Variants in CAB39L observed in about 807,000 individuals in gnomAD.
CAB39L encodes calcium-binding protein 39-like.
CAB39L carries 23 observed loss-of-function variants against 39.1 expected under a neutral mutation model. The ratio of observed to expected loss-of-function variants is 0.59; its 90% confidence interval spans 0.42 to 0.83. CAB39L has a LOEUF of 0.83. Among genes scored for constraint, CAB39L ranks in the 40% least tolerant of loss-of-function variants. CAB39L has a pLI of 0.00. For missense variants in CAB39L, 366 were observed against 391.9 expected, an observed-to-expected ratio of 0.93 and a Z score of 0.56; for synonymous variants, 126 against 137.2, an observed-to-expected ratio of 0.92 and a Z score of 0.57.
intron 6 of CAB39L, among the ~76,000 whole-genome samples, chr13:49,351,297 TGA>T (rs1555255267): frequency 6.7e-6 from 1 of 150,080 alleles, no homozygotes; most frequent in African/African-American, 2.4e-5. Flanking sequence ...TGTGTGTGTG[TGA>T]GTGACTACTT....
At chr13:49,384,174 T>C (rs1405224526) in intron 3 of CAB39L, among the ~76,000 whole-genome samples, 1 of 152,238 alleles carries the variant, frequency 6.6e-6, no homozygotes, top group Non-Finnish European at 1.5e-5. Flanking sequence ...TGTAATATTC[T>C]AAATCCTTTG....
At chr13:49,439,116 A>G (rs1289666390) in intron 1 of CAB39L, among the ~76,000 whole-genome samples, 1 of 151,886 alleles carries the variant, frequency 6.6e-6, no homozygotes, top group Non-Finnish European at 1.5e-5. Flanking sequence ...TTCTTATCGT[A>G]CTTTCTGTGA....
In CAB39L at chr13:49,308,734, TCA is replaced by T. The variant is rs1953902011; in HGVS notation, c.*2078_*2079del. 6.6e-6 allele frequency: 1 copy of T among 152,626 alleles called. No homozygotes were observed. Among genetic ancestry groups the T allele is most frequent in the Admixed American group, 6.5e-5 (1 of 15,286 alleles). 9.5% of individuals were successfully genotyped at this position (152,626 alleles called of 1,614,324 possible). ...ATATGACCTTTTCAGAATTCAATTC[TCA>T]CAGTATTTACAGTGAACTTTGTGCA... On this transcript the variant is annotated 3_prime_UTR_variant, in exon 11 of 11. Transcript: ENST00000409308.
chr13:49,335,100 AC>A (rs1457002307), intron 9 of CAB39L, among the ~76,000 whole-genome samples: 3 of 152,340 alleles, frequency 2.0e-5, no homozygotes, highest in East Asian at 1.9e-4. Flanking sequence ...AAAAGAAAAA[AC>A]AAAAACTAAA....
At chr13:49,371,820 G>A (rs955050748) in intron 5 of CAB39L, among the ~76,000 whole-genome samples, 1 of 152,102 alleles carries the variant, frequency 6.6e-6, no homozygotes, top group Admixed American at 6.5e-5. Flanking sequence ...TCAAACTCCT[G>A]GGCTCAAGCA....
chr13:49,359,623 G>T, intron 6 of CAB39L, 91 bp downstream of exon 6: 3 of 660,028 alleles, frequency 4.5e-6, no homozygotes, highest in South Asian at 2.1e-5. Context: ...TTCCAAAAGG[G>T]AACTCATCAT....
chr13:49,383,080 C>A, intron 3 of CAB39L, 139 bp from the exon 4 acceptor site: 2 of 395,048 alleles, frequency 5.1e-6, no homozygotes, highest in South Asian at 5.3e-5. Context: ...AAATGAGTTT[C>A]AAGTTTTATG....
intron 3 of CAB39L, chr13:49,401,319 C>A (rs181016146): frequency 6.6e-6 from 1 of 152,306 alleles, no homozygotes; most frequent in Admixed American, 6.5e-5. Flanking sequence ...TAGGTCTTGA[C>A]TTTCTGTCCC....
chr13:49,406,166 G>GTT lies in CAB39L; in HGVS notation c.-31-23226_-31-23225insAA, dbSNP rs1476108719. The stretch of plus-strand genomic sequence containing the variant: ...ATAACTGAGGGAATACAATTGGAAT[G>GTT]CTCTTTTTTTTTTTTTTTTGAGATG... On this transcript the variant is annotated intron_variant, in intron 3 of 10. Coordinates refer to ENST00000409308, the MANE Select transcript of CAB39L (RefSeq NM_001079670.3). Among the ~76,000 whole-genome samples the GTT allele has an allele frequency of 0.011, 1,642 of 144,138 alleles. 65 individuals are homozygous for GTT. In the East Asian group the frequency reaches 0.12, roughly 11 times the overall value. The allele number at this position is 144,138 out of a possible 152,430, so 94.6% of individuals were successfully genotyped here.
intron 9 of CAB39L, among the ~76,000 whole-genome samples, chr13:49,334,900 C>T (rs1324572243): frequency 6.6e-6 from 1 of 152,104 alleles, no homozygotes; most frequent in Non-Finnish European, 1.5e-5. Context: ...TTCATGGTTC[C>T]CCCTAATGCA....
chr13:49,426,241 T>A (rs1418072036), intron 3 of CAB39L, among the ~76,000 whole-genome samples: 1 of 152,178 alleles, frequency 6.6e-6, no homozygotes, highest in African/African-American at 2.4e-5. Context: ...TAGTCTTTCT[T>A]TAGAGGCCCT....
At position 49,311,174 on chromosome 13, in the gene CAB39L, A is replaced by G. The variant is rs529875294; in HGVS notation, c.835-181T>C. ...GGTGATCAATACAGTCACACACCAC[A>G]TAACGACATTTCAGTCAACAACAGA... On this transcript the variant is annotated intron_variant, in intron 10 of 10. Transcript: ENST00000409308. Among the ~76,000 whole-genome samples the G allele has an allele frequency of 9.8e-5, 15 of 152,328 alleles. No homozygotes were observed. In the South Asian group the frequency reaches 3.1e-3, roughly 32 times the overall value.
intron 3 of CAB39L, among the ~76,000 whole-genome samples, chr13:49,404,746 A>C (rs563764293): frequency 1.3e-5 from 2 of 152,328 alleles, no homozygotes; most frequent in Admixed American, 6.5e-5. Context: ...AATAATTAAG[A>C]ATCAAGCAGA....
intron 9 of CAB39L, among the ~76,000 whole-genome samples, chr13:49,338,532 G>A (rs948264466): frequency 2.0e-5 from 3 of 151,016 alleles, no homozygotes; most frequent in African/African-American, 7.3e-5. Flanking sequence ...GGATAGCATT[G>A]GGAGATATAC....
intron 1 of CAB39L, among the ~76,000 whole-genome samples, chr13:49,440,583 T>C (rs1214889619): frequency 6.6e-6 from 1 of 151,332 alleles, no homozygotes; most frequent in East Asian, 1.9e-4. Context: ...GCGATTCTAA[T>C]GATATTGATT....
intron 3 of CAB39L, among the ~76,000 whole-genome samples, chr13:49,409,109 G>C (rs1956939184): frequency 6.6e-6 from 1 of 152,182 alleles, no homozygotes; most frequent in African/African-American, 2.4e-5. Flanking sequence ...GACATAGGCT[G>C]GTAGTCAGCG....
intron 5 of CAB39L, among the ~76,000 whole-genome samples, chr13:49,375,156 T>G (rs1956020182): frequency 6.6e-6 from 1 of 152,134 alleles, no homozygotes; most frequent in African/African-American, 2.4e-5. Flanking sequence ...AGTGTCCCTA[T>G]ATAACACAAC....
intron 3 of CAB39L, among the ~76,000 whole-genome samples, chr13:49,386,190 GATTT>G (rs1956355739): frequency 6.6e-6 from 1 of 152,126 alleles, no homozygotes; most frequent in Non-Finnish European, 1.5e-5. Flanking sequence ...GATATGATAT[GATTT>G]TTTGTCCATT....
In CAB39L at chr13:49,316,413, C is replaced by G. The variant is rs189157506; in HGVS notation, c.835-5420G>C. Among the ~76,000 whole-genome samples the G allele has an allele frequency of 2.2e-3, 341 of 152,186 alleles. 2 individuals are homozygous for G. The highest frequency in any genetic ancestry group is 7.9e-3 in the African/African-American group (327 of 41,536). ...CCTAACATTTAAAGAAGAATTAACACAAATCTCTCTCAAATTCTTCTGAAA... is the reference window on the plus strand; with the variant it reads ...CCTAACATTTAAAGAAGAATTAACAGAAATCTCTCTCAAATTCTTCTGAAA... On this transcript the variant is annotated intron_variant, in intron 10 of 10. Coordinates refer to ENST00000409308, the MANE Select transcript of CAB39L (RefSeq NM_001079670.3).
Sources: allele counts gnomAD v4.1 joint callset (sites outside exome capture counted in the v4.1 genomes callset), GRCh38; gene constraint gnomAD v4.1.1; transcripts MANE v1.5; gene names NCBI Gene and HGNC (gene_info 2026-07-23, HGNC 2026-07-21).